Variants in ARHGAP6 observed in about 807,000 individuals in gnomAD.
The protein encoded by ARHGAP6 is Rho GTPase activating protein 6.
In ARHGAP6, 16 loss-of-function variants were observed where a neutral mutation model predicts 55.7. The ratio of observed to expected loss-of-function variants is 0.29; its 90% CI spans 0.19 to 0.44. The LOEUF (loss-of-function observed/expected upper bound fraction) is 0.44, where lower values mean the gene tolerates loss of function less well. Among genes scored for constraint, ARHGAP6 ranks in the 20% least tolerant of loss-of-function variants. ARHGAP6 has a pLI of 1.00. For synonymous variants in ARHGAP6, 382 were observed against 360.9 expected, an observed-to-expected ratio of 1.06 and a Z score of -0.66; for missense variants, 698 against 808.9, an observed-to-expected ratio of 0.86 and a Z score of 1.66.
intron 10 of ARHGAP6, among the ~76,000 whole-genome samples, chrX:11,156,130 C>T (rs1013182959): frequency 1.8e-5 from 2 of 112,534 alleles, no homozygotes; most frequent in African/African-American, 6.5e-5. Flanking sequence ...GTTAATCCCA[C>T]TGGTAAAGCT....
At chrX:11,427,287 C>T (rs1021163474) in intron 1 of ARHGAP6, among the ~76,000 whole-genome samples, 3 of 112,410 alleles carry the variant, frequency 2.7e-5, no homozygotes, top group Non-Finnish European at 3.8e-5. Flanking sequence ...AGTCCAGCCC[C>T]GTCCCAGATG....
intron 2 of ARHGAP6, among the ~76,000 whole-genome samples, chrX:11,202,504 T>C (rs2046643001): frequency 9.0e-6 from 1 of 111,004 alleles, no homozygotes; most frequent in Admixed American, 9.6e-5. Flanking sequence ...ACAAATATGA[T>C]ATTTGAAAGC....
intron 1 of ARHGAP6, among the ~76,000 whole-genome samples, chrX:11,432,085 G>C (rs932838052): frequency 8.9e-6 from 1 of 112,735 alleles, no homozygotes; most frequent in East Asian, 2.8e-4. Context: ...CCCCCAGGGA[G>C]TGGGGAAAGG....
chrX:11,375,715 C>T (rs1267616646), intron 1 of ARHGAP6, among the ~76,000 whole-genome samples: 2 of 111,672 alleles, frequency 1.8e-5, no homozygotes, highest in African/African-American at 3.3e-5. Flanking sequence ...ATAAACTGCA[C>T]AGTCAGGGCT....
chrX:11,235,872 G>A (rs1167383539), intron 2 of ARHGAP6, among the ~76,000 whole-genome samples: 2 of 111,682 alleles, frequency 1.8e-5, no homozygotes, highest in Non-Finnish European at 1.9e-5. Context: ...TCTCTAGGAA[G>A]TTTCAAACTT....
intron 1 of ARHGAP6, among the ~76,000 whole-genome samples, chrX:11,262,946 C>T (rs1347429263): frequency 1.8e-5 from 2 of 110,742 alleles, no homozygotes; most frequent in African/African-American, 3.3e-5. Flanking sequence ...TTGTGGAAGG[C>T]TTATAAGCTC....
At position 11,179,540 on chromosome X, in the gene ARHGAP6, A is replaced by G. The variant is rs752993234; in HGVS notation, c.1330-88T>C. 135 of 1,076,374 alleles carry G rather than the reference A, an allele frequency of 1.3e-4. No homozygotes were observed. The South Asian group carries it at 3.0e-3, about 24-fold the overall frequency. 88.7% of individuals were successfully genotyped at this position (1,076,374 alleles called of 1,213,427 possible). A position where few individuals can be genotyped will look rare whatever the true frequency, so the allele number is the denominator to read the frequency against. On this transcript the variant is annotated intron_variant, in intron 6 of 12. Transcript: ENST00000337414. ...CAGGAGAAGTGCTGTGACACGTAGC[A>G]TCTGGAATTAAGACTGCACAGACCC...
At chrX:11,642,634 T>C (rs1357654213) in intron 1 of ARHGAP6, among the ~76,000 whole-genome samples, 1 of 112,289 alleles carries the variant, frequency 8.9e-6, no homozygotes, top group African/African-American at 3.2e-5. Context: ...AGATACATAC[T>C]ATAACATGAA....
intron 1 of ARHGAP6, among the ~76,000 whole-genome samples, chrX:11,606,105 G>A (rs914975366): frequency 3.6e-5 from 4 of 111,650 alleles, no homozygotes; most frequent in African/African-American, 1.3e-4. Flanking sequence ...TCAGACTGTT[G>A]AAGATTTTCA....
intron 1 of ARHGAP6, among the ~76,000 whole-genome samples, chrX:11,400,486 A>G (rs1234002543): frequency 1.8e-5 from 2 of 109,390 alleles, no homozygotes; most frequent in Admixed American, 9.7e-5. Flanking sequence ...AATATTGTCA[A>G]TGAACGTGCC....
At chrX:11,186,525 C>T (rs2046388225) in intron 4 of ARHGAP6, 94 bp from the exon 5 acceptor site, 10 of 567,008 alleles carry the variant, frequency 1.8e-5, no homozygotes, top group Middle Eastern at 4.2e-4. Flanking sequence ...TTGCTCATGA[C>T]TCTTTATCAC....
rs771904554 is a variant in ARHGAP6, at chrX:11,664,590, G to A, written c.239C>T (p.Ala80Val). ...GGGGGGCGGACCCCGGGAAGAGGACGCCAAGCGAGGGCCGAGACTCTCGGC... is the reference window on the plus strand; with the variant it reads ...GGGGGGCGGACCCCGGGAAGAGGACACCAAGCGAGGGCCGAGACTCTCGGC... ...LPAESLGPRL[A>V]SSSRGPPPRA... The change falls in exon 1 of 13, where the codon GCG (alanine) becomes GTG (valine). Residue 80 changes from alanine to valine, a missense_variant. Ala to Val is a moderately conservative substitution (Grantham distance 64). Transcript: ENST00000337414. 6.8e-6 allele frequency: 8 copies of A among 1,176,625 alleles called. No individual in the cohort carries two copies. The East Asian group carries it at 2.2e-4, about 32-fold the overall frequency.
intron 1 of ARHGAP6, among the ~76,000 whole-genome samples, chrX:11,413,555 G>A (rs1042847593): frequency 1.8e-5 from 2 of 111,905 alleles, no homozygotes; most frequent in African/African-American, 6.5e-5. Context: ...AAGAACAGGA[G>A]ACTGGTGTTT....
rs184096412 is a variant in ARHGAP6 at position 11,177,658 on chromosome X, G to A, written c.1629+442C>T. The stretch of plus-strand genomic sequence containing the variant: ...CTTCTTGCTCATAGTGCAGATGGGA[G>A]CTCCAGGGATAAACTGGAAGAATAA... On this transcript the variant is annotated intron_variant, in intron 8 of 12. Coordinates refer to ENST00000337414, the MANE Select transcript of ARHGAP6 (RefSeq NM_013427.3). Among the ~76,000 whole-genome samples the A allele has an allele frequency of 1.3e-4, 15 of 111,768 alleles. No individual in the cohort carries two copies. The Admixed American group carries it at 1.4e-3, about 11-fold the overall frequency.
intron 1 of ARHGAP6, among the ~76,000 whole-genome samples, chrX:11,555,027 T>C (rs1343744937): frequency 2.7e-5 from 3 of 112,254 alleles, no homozygotes; most frequent in African/African-American, 9.7e-5. Context: ...AAAACACATC[T>C]GATAGGATCT....
chrX:11,325,845 C>G (rs2048490457), intron 1 of ARHGAP6, among the ~76,000 whole-genome samples: 1 of 111,893 alleles, frequency 8.9e-6, no homozygotes, highest in Admixed American at 9.5e-5. Context: ...TTTTGGTTGT[C>G]TCAACTGAGG....
chrX:11,390,283 T>A (rs948629814), intron 1 of ARHGAP6, among the ~76,000 whole-genome samples: 8 of 111,660 alleles, frequency 7.2e-5, no homozygotes, highest in African/African-American at 2.6e-4. Flanking sequence ...TCCATTGGTC[T>A]ATATCTCTGT....
intron 1 of ARHGAP6, among the ~76,000 whole-genome samples, chrX:11,555,852 T>C (rs2051315500): frequency 9.0e-6 from 1 of 110,705 alleles, no homozygotes; most frequent in African/African-American, 3.3e-5. Context: ...GTGCATGTGT[T>C]TGAAGAAAAA....
intron 10 of ARHGAP6, among the ~76,000 whole-genome samples, chrX:11,150,993 T>A (rs1480069994): frequency 9.0e-6 from 1 of 111,675 alleles, no homozygotes. Flanking sequence ...TTTCTGGCAT[T>A]CCCTTAAATT....
Sources: allele counts gnomAD v4.1 joint callset (sites outside exome capture counted in the v4.1 genomes callset), GRCh38; gene constraint gnomAD v4.1.1; transcripts MANE v1.5; gene names NCBI Gene and HGNC (gene_info 2026-07-23, HGNC 2026-07-21).